RICTOR: variants seen among roughly 807,000 people sequenced by gnomAD.
RICTOR encodes the protein rapamycin-insensitive companion of mTOR.
RICTOR carries 49 observed loss-of-function variants against 214.9 expected under a neutral mutation model. The observed-to-expected ratio is 0.23, with a 90% CI of 0.18 to 0.29. The LOEUF (loss-of-function observed/expected upper bound fraction) is 0.29. Among genes scored for constraint, RICTOR ranks in the 10% least tolerant of loss-of-function variants. The pLI is 1.00. For synonymous variants in RICTOR, 717 were observed against 711.3 expected, an observed-to-expected ratio of 1.01 and a Z score of -0.13; for missense variants, 1,625 against 2,047.0, an observed-to-expected ratio of 0.79 and a Z score of 3.98.
chr5:38,980,137 T>C (rs1472976681), intron 8 of RICTOR, among the ~76,000 whole-genome samples: 2 of 152,188 alleles, frequency 1.3e-5, no homozygotes, highest in Non-Finnish European at 2.9e-5. Context: ...AATTCTCCAT[T>C]ATTTCATCTA....
Position 38,953,448 on chromosome 5 carries a change from G to A in RICTOR, c.2790+13C>T. On this transcript the variant is annotated intron_variant, in intron 28 of 37. Transcript: ENST00000357387. ...AAAATTGCGAAGATCTTACAGAAGTGTTTATTACAAACCAAGGCCCAAAGA... is the reference window on the plus strand; with the variant it reads ...AAAATTGCGAAGATCTTACAGAAGTATTTATTACAAACCAAGGCCCAAAGA... 1 of 1,231,380 alleles carries A rather than the reference G, an allele frequency of 8.1e-7. No individual in the cohort carries two copies. Among genetic ancestry groups the A allele is most frequent in the Non-Finnish European group, 1.1e-6 (1 of 891,612 alleles). 76.3% of individuals were successfully genotyped at this position (1,231,380 alleles called of 1,614,324 possible).
At chr5:38,945,153 T>A (rs570365168) in intron 34 of RICTOR, 85 bp from the exon 35 acceptor site, 4 of 947,938 alleles carry the variant, frequency 4.2e-6, no homozygotes, top group Non-Finnish European at 6.3e-6. Flanking sequence ...AGAAATAATA[T>A]AAAATAACAT....
rs563685424 is a variant in RICTOR at position 39,034,770 on chromosome 5, G to A, written c.98-13634C>T. 1.8e-3 allele frequency among the ~76,000 whole-genome samples: 279 copies of A among 152,346 alleles called. 1 individual carries two copies. Among genetic ancestry groups the A allele is most frequent in the African/African-American group, 6.4e-3 (266 of 41,572 alleles). On this transcript the variant is annotated intron_variant, in intron 2 of 37. Coordinates refer to ENST00000357387, the MANE Select transcript of RICTOR (RefSeq NM_152756.5). ...CAAGGCAGCAGCGAGGCTGGGGGAG[G>A]GGCGCCCGCCATTGCTGAGGCTTGA... is the stretch of plus-strand genomic sequence containing the variant.
chr5:39,007,091 A>G (rs1486895785), intron 3 of RICTOR, among the ~76,000 whole-genome samples: 10 of 152,212 alleles, frequency 6.6e-5, no homozygotes, highest in Non-Finnish European at 1.5e-4. Context: ...CTAAAATTAA[A>G]AGTGACAATG....
chr5:39,055,984 C>T (rs111667542), intron 2 of RICTOR, among the ~76,000 whole-genome samples: 1 of 152,322 alleles, frequency 6.6e-6, no homozygotes, highest in Non-Finnish European at 1.5e-5. Flanking sequence ...GTTAAGATGT[C>T]TCCTGGGTGT....
rs560068536 is a variant in RICTOR at position 39,038,779 on chromosome 5, AAGG to A, written c.98-17646_98-17644del. On this transcript the variant is annotated intron_variant, in intron 2 of 37. Coordinates refer to ENST00000357387, the MANE Select transcript of RICTOR (RefSeq NM_152756.5). Reference sequence around the variant, plus strand: ...TACAAGGGATGTGAAGGACCTCTTCAAGGAGAACTACAAACCACTGCTCAATGA... The same window carrying A: ...TACAAGGGATGTGAAGGACCTCTTCAAGAACTACAAACCACTGCTCAATGA... Among the ~76,000 whole-genome samples the A allele has an allele frequency of 5.4e-3, 822 of 152,320 alleles. 5 individuals carry two copies. Among genetic ancestry groups the A allele is most frequent in the Middle Eastern group, 0.027 (8 of 294 alleles).
chr5:39,025,047 AC>A (rs1450404073), intron 2 of RICTOR, among the ~76,000 whole-genome samples: 1 of 152,164 alleles, frequency 6.6e-6, no homozygotes, highest in African/African-American at 2.4e-5. Flanking sequence ...TTAAAAACTG[AC>A]AGGTGATGAT....
Position 38,938,126 on chromosome 5 carries a change from A to G in RICTOR, c.*4178T>C. 1 of 212,212 alleles carries G rather than the reference A, an allele frequency of 4.7e-6. No homozygotes were observed. Among genetic ancestry groups the G allele is most frequent in the East Asian group, 7.1e-5 (1 of 14,014 alleles). The allele number at this position is 212,212 out of a possible 1,614,324, so 13.1% of individuals were successfully genotyped here. On this transcript the variant is annotated 3_prime_UTR_variant, in exon 38 of 38. Coordinates refer to ENST00000357387, the MANE Select transcript of RICTOR (RefSeq NM_152756.5). ...TCAATGAAATATTCTTACAGAAAAA[A>G]TATAAATACTTTTTCTTTCTATGTT...
intron 2 of RICTOR, among the ~76,000 whole-genome samples, chr5:39,035,494 G>A (rs1285378471): frequency 6.6e-6 from 1 of 152,200 alleles, no homozygotes; most frequent in African/African-American, 2.4e-5. Context: ...CGAGTTGAGA[G>A]AAGAAGGCTT....
At chr5:39,053,741 A>T (rs1758001186) in intron 2 of RICTOR, among the ~76,000 whole-genome samples, 2 of 150,554 alleles carry the variant, frequency 1.3e-5, no homozygotes, top group South Asian at 2.1e-4. Flanking sequence ...AAATACAAAA[A>T]ATTAGCCGGG....
chr5:38,964,436 T>C (rs559489260), intron 16 of RICTOR, among the ~76,000 whole-genome samples: 3 of 151,888 alleles, frequency 2.0e-5, no homozygotes, highest in Admixed American at 2.0e-4. Context: ...ATTAATACTG[T>C]AAAGCTTTAT....
At chr5:39,017,595 T>C (rs1389226795) in intron 3 of RICTOR, among the ~76,000 whole-genome samples, 1 of 152,064 alleles carries the variant, frequency 6.6e-6, no homozygotes, top group African/African-American at 2.4e-5. Context: ...TATCATCTCT[T>C]ATATATTAAA....
Position 39,033,742 on chromosome 5 carries a change from C to G in RICTOR, c.98-12606G>C, listed in dbSNP as rs189215143. Among the ~76,000 whole-genome samples, 5 of 152,306 alleles carry G rather than the reference C, an allele frequency of 3.3e-5. No individual in the cohort carries two copies. The East Asian group carries it at 7.7e-4, about 23-fold the overall frequency. ...AGCAACCTATTGGGTACCATGCACA[C>G]TACCTCGGTAATGGGATCATTTGTA... On this transcript the variant is annotated intron_variant, in intron 2 of 37. Transcript: ENST00000357387.
At chr5:38,997,737 C>A (rs1753282315) in intron 5 of RICTOR, among the ~76,000 whole-genome samples, 1 of 152,144 alleles carries the variant, frequency 6.6e-6, no homozygotes, top group Admixed American at 6.5e-5. Flanking sequence ...ACAGGGAGCT[C>A]CACATTCAAC....
At chr5:39,062,853 T>C (rs762782073) in intron 2 of RICTOR, among the ~76,000 whole-genome samples, 4 of 152,162 alleles carry the variant, frequency 2.6e-5, no homozygotes, top group Non-Finnish European at 5.9e-5. Flanking sequence ...ATTTATCCTG[T>C]ACCTAAATCA....
Position 38,945,577 on chromosome 5 carries a change from G to C in RICTOR, c.4547C>G (p.Thr1516Arg). 2 of 1,614,052 alleles carry C rather than the reference G, an allele frequency of 1.2e-6. No individual in the cohort carries two copies. Among genetic ancestry groups the C allele is most frequent in the Non-Finnish European group, 1.7e-6 (2 of 1,179,902 alleles). ...STEDTGLQEH[T>R]DDNCLYCVCI... ...GACACAATAAAGGCAGTTATCATCT[G>C]TATGTTCCTGTAGTCCAGTGTCTTC... Residue 1516 changes from threonine (T) to arginine (R), a missense_variant, in exon 34 of 38, where the codon ACA (threonine) becomes AGA (arginine). By Grantham distance (71) the Thr-to-Arg change is moderately conservative (BLOSUM62 -1). Around this residue, in one of 5 missense-constraint regions of RICTOR, gnomAD observed 1,214 missense variants for 1,470.5 expected, o/e 0.83. Transcript: ENST00000357387.
intron 6 of RICTOR, among the ~76,000 whole-genome samples, chr5:38,992,139 A>G (rs1308993367): frequency 6.6e-6 from 1 of 152,188 alleles, no homozygotes; most frequent in Non-Finnish European, 1.5e-5. Flanking sequence ...AGTTCACCTG[A>G]AATTACAGAA....
At chr5:39,047,233 C>G (rs1757555734) in intron 2 of RICTOR, among the ~76,000 whole-genome samples, 1 of 152,138 alleles carries the variant, frequency 6.6e-6, no homozygotes, top group African/African-American at 2.4e-5. Context: ...GACAGTTTTT[C>G]AATGGACAGG....
intron 2 of RICTOR, among the ~76,000 whole-genome samples, chr5:39,050,911 A>G (rs994864681): frequency 6.6e-6 from 1 of 152,176 alleles, no homozygotes; most frequent in African/African-American, 2.4e-5. Flanking sequence ...TTTCATAATG[A>G]AATATTTTTA....
Sources: gnomAD v4.1 joint callset for allele counts (sites outside exome capture counted in the v4.1 genomes callset) on GRCh38, gnomAD v4.1.1 for gene constraint, gnomAD v4.1.1 regional missense constraint, MANE v1.5 for transcripts, NCBI Gene and HGNC (gene_info 2026-07-23, HGNC 2026-07-21) for gene names.